The following APLN variants were observed in gnomAD, a reference collection of about 807,000 sequenced individuals.
APLN encodes apelin, also known as AGTRL1 ligand.
APLN carries 2 observed loss-of-function variants against 4.3 expected under a neutral mutation model. The observed-to-expected ratio is 0.46, with a 90% CI of 0.19 to 1.45. The LOEUF is 1.45. APLN is among the 40% of genes most tolerant of loss of function. APLN has a pLI of 0.25. For synonymous variants in APLN, 34 were observed against 30.4 expected, an observed-to-expected ratio of 1.12 and a Z score of -0.38; for missense variants, 80 against 70.0, an observed-to-expected ratio of 1.14 and a Z score of -0.51.
In APLN at chrX:129,647,755, G is replaced by A; in HGVS notation, c.*168C>T. On this transcript the variant is annotated 3_prime_UTR_variant, in exon 3 of 3. Coordinates refer to ENST00000429967, the MANE Select transcript of APLN (RefSeq NM_017413.5). Reference sequence around the variant, plus strand: ...GGAATCATCCAAACTACAGCCAGGAGCACGCCACTGGGGGAAGCAGGCAGG... The same window carrying A: ...GGAATCATCCAAACTACAGCCAGGAACACGCCACTGGGGGAAGCAGGCAGG... 1 of 983,055 alleles carries A rather than the reference G, an allele frequency of 1.0e-6. No homozygotes were observed. The highest frequency in any genetic ancestry group is 1.3e-6 in the Non-Finnish European group (1 of 756,142). The allele number at this position is 983,055 out of a possible 1,213,427, so 81.0% of individuals were successfully genotyped here. A position where few individuals can be genotyped will look rare whatever the true frequency, so the allele number is the denominator to read the frequency against.
At chrX:129,651,930 G>A (rs1477976760) in intron 1 of APLN, among the ~76,000 whole-genome samples, 1 of 112,018 alleles carries the variant, frequency 8.9e-6, no homozygotes, top group Non-Finnish European at 1.9e-5. Flanking sequence ...CCAGGGCCCT[G>A]TGCTGTCTCC....
At position 129,654,546 on chromosome X, in the gene APLN, G is replaced by C. The variant is rs1351309672; in HGVS notation, c.67+18C>G. ...CACGCCGGCTGCAGCCCGGGCGAGC[G>C]GGAGGGCGCGCACTCACCTCCACAC... On this transcript the variant is annotated intron_variant, in intron 1 of 2. Transcript: ENST00000429967. 8.7e-7 allele frequency: 1 copy of C among 1,147,567 alleles called. No homozygotes were observed. Among genetic ancestry groups the C allele is most frequent in the Non-Finnish European group, 1.2e-6 (1 of 864,555 alleles). The allele number at this position is 1,147,567 out of a possible 1,213,427, so 94.6% of individuals were successfully genotyped here.
At position 129,654,770 on chromosome X, in the gene APLN, C is replaced by T. The variant is rs1925012680; in HGVS notation, c.-140G>A. The T allele has an allele frequency of 1.0e-5, 3 of 296,856 alleles. No homozygotes were observed. Among genetic ancestry groups the T allele is most frequent in the Non-Finnish European group, 1.6e-5 (3 of 187,976 alleles). 24.5% of individuals were successfully genotyped at this position (296,856 alleles called of 1,213,427 possible). A position where few individuals can be genotyped will look rare whatever the true frequency, so the allele number is the denominator to read the frequency against. ...GGAGGCTCCCCGGCCGCTGAGTGTG[C>T]GCGCTGAGCCCCGCCGCTCCCGCTG... On this transcript the variant is annotated 5_prime_UTR_variant, in exon 1 of 3. Coordinates refer to ENST00000429967, the MANE Select transcript of APLN (RefSeq NM_017413.5).
intron 1 of APLN, among the ~76,000 whole-genome samples, chrX:129,652,827 G>A (rs768121961): frequency 9.0e-4 from 100 of 111,559 alleles, no homozygotes; most frequent in African/African-American, 3.2e-3. Context: ...CTGAGTGGTT[G>A]TCTATTGGCC....
At position 129,647,257 on chromosome X, in the gene APLN, T is replaced by C. The variant is rs1325185086; in HGVS notation, c.*666A>G. ...TGTGGGGGCAGGAAGAAGGGAGTAT[T>C]GGGAGGCACACTAAGGCAAGAGAAG... On this transcript the variant is annotated 3_prime_UTR_variant, in exon 3 of 3. Transcript: ENST00000429967. The C allele has an allele frequency of 1.2e-5, 2 of 163,829 alleles. No homozygotes were observed. Among genetic ancestry groups the C allele is most frequent in the Non-Finnish European group, 2.4e-5 (2 of 84,515 alleles). 13.5% of individuals were successfully genotyped at this position (163,829 alleles called of 1,213,427 possible). A position where few individuals can be genotyped will look rare whatever the true frequency, so the allele number is the denominator to read the frequency against.
chrX:129,647,801 G>A lies in APLN; in HGVS notation c.*122C>T. 2.0e-6 allele frequency: 2 copies of A among 983,280 alleles called. No individual in the cohort carries two copies. Among genetic ancestry groups the A allele is most frequent in the Non-Finnish European group, 2.6e-6 (2 of 756,152 alleles). 81.0% of individuals were successfully genotyped at this position (983,280 alleles called of 1,213,427 possible). On this transcript the variant is annotated 3_prime_UTR_variant, in exon 3 of 3. Transcript: ENST00000429967. ...GCAGGTGAGAAGAGCTGGGCCCACT[G>A]GTGGCTACAGCAGGTGCGAGGTGAG...
chrX:129,646,645 AG>A lies in APLN; in HGVS notation c.*1277del, dbSNP rs1463764185. 1.8e-5 allele frequency: 2 copies of A among 111,929 alleles called. No homozygotes were observed. The highest frequency in any genetic ancestry group is 6.5e-5 in the African/African-American group (2 of 30,761). 9.2% of individuals were successfully genotyped at this position (111,929 alleles called of 1,213,427 possible). ...GAAGGCCATGGAGTCCAGTGATTGA[AG>A]GCTACCTCGGACTCCTGAAAACCAC... On this transcript the variant is annotated 3_prime_UTR_variant, in exon 3 of 3. Transcript: ENST00000429967.
chrX:129,654,583 G>C lies in APLN; in HGVS notation c.48C>G (p.Ser16=). 1.7e-6 allele frequency: 2 copies of C among 1,157,406 alleles called. No homozygotes were observed. Among genetic ancestry groups the C allele is most frequent in the Non-Finnish European group, 2.3e-6 (2 of 870,038 alleles). The change falls in exon 1 of 3, where the codon TCC becomes TCG. Residue 16 remains serine (S), a synonymous_variant. Transcript: ENST00000429967. The part of the protein sequence containing the change: ...CVQALLLLWL[S]LTAVCGGSLM... ...ACTCACCTCCACACACCGCGGTCAA[G>C]GAGAGCCAGAGCAGCAGGAGCGCCT...
chrX:129,646,223 C>CAGT lies in APLN; in HGVS notation c.*1699_*1700insACT, dbSNP rs10692370. The CAGT allele has an allele frequency of 7.9e-6, 1 of 126,644 alleles. No homozygotes were observed. Among genetic ancestry groups the CAGT allele is most frequent in the African/African-American group, 3.1e-5 (1 of 31,775 alleles). 10.4% of individuals were successfully genotyped at this position (126,644 alleles called of 1,213,427 possible). ...TAAGCAGCAGCAGCAGCAGCAGCAG[C>CAGT]GTTAGCAGCAGCATAGGTAAAGGGG... On this transcript the variant is annotated 3_prime_UTR_variant, in exon 3 of 3. Transcript: ENST00000429967.
At chrX:129,650,212 T>C (rs1448318114) in intron 1 of APLN, among the ~76,000 whole-genome samples, 1 of 110,837 alleles carries the variant, frequency 9.0e-6, no homozygotes, top group African/African-American at 3.3e-5. Context: ...GAGCCTCCCA[T>C]TGGCTGCTCA....
At chrX:129,651,044 G>C (rs776480799) in intron 1 of APLN, among the ~76,000 whole-genome samples, 1 of 103,313 alleles carries the variant, frequency 9.7e-6, no homozygotes, top group Non-Finnish European at 1.9e-5. Context: ...GTGCCAGGAG[G>C]GGGAGGGCAT....
rs758766922 is a variant in APLN, at chrX:129,648,657, C to T, written c.203G>A (p.Arg68His). ...GRRKFRRQRPRLSHKGPMPF is the reference protein window; with the variant it reads ...GRRKFRRQRPHLSHKGPMPF Reference sequence around the variant, plus strand: ...AGGCATGGGTCCCTTATGGGAGAGGCGGGGCCGCTGGCGGCGGAATTTCCT... The same window carrying T: ...AGGCATGGGTCCCTTATGGGAGAGGTGGGGCCGCTGGCGGCGGAATTTCCT... Residue 68 changes from arginine to histidine, a missense_variant, in exon 2 of 3, where the codon CGC becomes CAC. Physicochemically the swap from Arg to His is conservative, Grantham distance 29. Coordinates refer to ENST00000429967, the MANE Select transcript of APLN (RefSeq NM_017413.5). The T allele has an allele frequency of 5.9e-6, 7 of 1,196,519 alleles. No homozygotes were observed. The highest frequency in any genetic ancestry group is 3.5e-5 in the African/African-American group (2 of 57,455).
At chrX:129,649,969 G>C (rs1005560763) in intron 1 of APLN, among the ~76,000 whole-genome samples, 7 of 111,547 alleles carry the variant, frequency 6.3e-5, no homozygotes, top group African/African-American at 2.3e-4. Context: ...CCTGGCTGGT[G>C]GTGGCAGGCA....
chrX:129,650,905 T>C (rs1465458488), intron 1 of APLN, among the ~76,000 whole-genome samples: 1 of 111,922 alleles, frequency 8.9e-6, no homozygotes, highest in Non-Finnish European at 1.9e-5. Flanking sequence ...AGGGGCCTTG[T>C]GAAGTGAACC....
intron 2 of APLN, among the ~76,000 whole-genome samples, 186 bp from the exon 3 acceptor site, chrX:129,648,103 A>G (rs1161810967): frequency 9.0e-6 from 1 of 111,464 alleles, no homozygotes; most frequent in Admixed American, 9.4e-5. Context: ...CAGCCAGCAG[A>G]CCAGGGAAGG....
rs1420301666 is a variant in APLN, at chrX:129,646,025, C to T, written c.*1898G>A. ...CTATCTCCCAGCTTTCTTAGCCATC[C>T]CCCACTTTCTCCCCTTCCCCACGGG... On this transcript the variant is annotated 3_prime_UTR_variant, in exon 3 of 3. Coordinates refer to ENST00000429967, the MANE Select transcript of APLN (RefSeq NM_017413.5). The T allele has an allele frequency of 1.8e-5, 2 of 112,543 alleles. No individual in the cohort carries two copies. The highest frequency in any genetic ancestry group is 3.7e-5 in the Non-Finnish European group (2 of 53,408). 9.3% of individuals were successfully genotyped at this position (112,543 alleles called of 1,213,427 possible). A position where few individuals can be genotyped will look rare whatever the true frequency, so the allele number is the denominator to read the frequency against.
In APLN at chrX:129,648,746, A is replaced by G. The variant is rs764505100; in HGVS notation, c.114T>C (p.Asn38=). 4.3e-6 allele frequency: 5 copies of G among 1,175,917 alleles called. No homozygotes were observed. The East Asian group carries it at 1.6e-4, about 37-fold the overall frequency. Residue 38 remains asparagine (N), a synonymous_variant, in exon 2 of 3, where the codon AAT becomes AAC. Coordinates refer to ENST00000429967, the MANE Select transcript of APLN (RefSeq NM_017413.5). ...CTCTGGGCTGCACCAGGTGGCGGACATTGCCGTCTTCCAGCCCATTCCCAT... is the reference window on the plus strand; with the variant it reads ...CTCTGGGCTGCACCAGGTGGCGGACGTTGCCGTCTTCCAGCCCATTCCCAT... ...LPDGNGLEDG[N]VRHLVQPRGS...
At position 129,646,224 on chromosome X, in the gene APLN, G is replaced by A. The variant is rs1246681381; in HGVS notation, c.*1699C>T. 4 of 116,925 alleles carry A rather than the reference G, an allele frequency of 3.4e-5. No individual in the cohort carries two copies. The highest frequency in any genetic ancestry group is 4.7e-4 in the South Asian group (2 of 4,272). The allele number at this position is 116,925 out of a possible 1,213,427, so 9.6% of individuals were successfully genotyped here. On this transcript the variant is annotated 3_prime_UTR_variant, in exon 3 of 3. Transcript: ENST00000429967. ...AAGCAGCAGCAGCAGCAGCAGCAGC[G>A]TTAGCAGCAGCATAGGTAAAGGGGC... is the stretch of plus-strand genomic sequence containing the variant.
chrX:129,648,546 G>A (rs1206553070), intron 2 of APLN, 75 bp downstream of exon 2: 46 of 1,096,933 alleles, frequency 4.2e-5, no homozygotes, highest in Non-Finnish European at 5.2e-5. Flanking sequence ...AGTGATGAGC[G>A]GCAGGATCAC....
Sources: allele counts gnomAD v4.1 joint callset (sites outside exome capture counted in the v4.1 genomes callset), GRCh38; gene constraint gnomAD v4.1.1; transcripts MANE v1.5; gene names NCBI Gene and HGNC (gene_info 2026-07-23, HGNC 2026-07-21).